CDH12: variants seen among roughly 807,000 people sequenced by gnomAD.
The protein encoded by CDH12 is cadherin-12.
CDH12 carries 41 observed loss-of-function variants against 74.1 expected under a neutral mutation model. The ratio of observed to expected loss-of-function variants is 0.55; its 90% CI spans 0.43 to 0.72. The LOEUF (loss-of-function observed/expected upper bound fraction) is 0.72, where lower values mean the gene tolerates loss of function less well. Ranked by LOEUF, CDH12 falls within the 30% of genes least tolerant of loss-of-function variation. The pLI is 0.00. For synonymous variants in CDH12, 399 were observed against 355.0 expected, an observed-to-expected ratio of 1.12 and a Z score of -1.39; for missense variants, 945 against 977.2, an observed-to-expected ratio of 0.97 and a Z score of 0.44.
Position 21,782,558 on chromosome 5 carries a change from AAAG to A in CDH12, c.1393+797_1393+799del, listed in dbSNP as rs1475092521. On this transcript the variant is annotated intron_variant, in intron 11 of 14. Transcript: ENST00000382254. ...AAATTTGCACCAGATGCACAAAATA[AAAG>A]AAGAAGGAAGCAAATGGAAGAGATT... Among the ~76,000 whole-genome samples, 5 of 152,296 alleles carry A rather than the reference AAAG, an allele frequency of 3.3e-5. No homozygotes were observed. In the East Asian group the frequency reaches 7.7e-4, roughly 24 times the overall value.
intron 1 of CDH12, among the ~76,000 whole-genome samples, chr5:22,766,702 A>ATT (rs1430459659): frequency 6.6e-6 from 1 of 152,078 alleles, no homozygotes; most frequent in Admixed American, 6.6e-5. Flanking sequence ...AAAAGATTGC[A>ATT]TTTGTACCGA....
chr5:22,343,323 C>CAGAG (rs377016972), intron 3 of CDH12, among the ~76,000 whole-genome samples: 3,966 of 136,308 alleles, frequency 0.029, 81 homozygotes, highest in Middle Eastern at 0.055. Flanking sequence ...GACACACACA[C>CAGAG]AGAGAGAGAG....
chr5:21,851,620 G>A (rs1486681417), intron 7 of CDH12, among the ~76,000 whole-genome samples: 5 of 151,148 alleles, frequency 3.3e-5, no homozygotes, highest in African/African-American at 1.2e-4. Context: ...ATAAATGAAT[G>A]CATCTGGATT....
intron 2 of CDH12, among the ~76,000 whole-genome samples, chr5:22,444,542 T>A (rs1163826794): frequency 2.6e-5 from 4 of 151,300 alleles, no homozygotes; most frequent in African/African-American, 9.7e-5. Context: ...TTTAACAGTT[T>A]TTTTTTTTTT....
intron 4 of CDH12, among the ~76,000 whole-genome samples, chr5:22,193,715 ATTG>A (rs1227958722): frequency 6.6e-6 from 1 of 151,144 alleles, no homozygotes; most frequent in Non-Finnish European, 1.5e-5. Context: ...TGTTTGCACA[ATTG>A]TTGATGTAGT....
intron 7 of CDH12, among the ~76,000 whole-genome samples, chr5:21,853,083 T>A (rs1388540855): frequency 2.0e-5 from 3 of 151,588 alleles, no homozygotes; most frequent in African/African-American, 7.3e-5. Context: ...TCTCTTTTTA[T>A]TTTCAATTTA....
intron 1 of CDH12, among the ~76,000 whole-genome samples, chr5:22,816,582 A>C (rs900764264): frequency 2.6e-5 from 4 of 152,156 alleles, no homozygotes; most frequent in Non-Finnish European, 5.9e-5. Context: ...ATTGAGTAAA[A>C]CCATTTACTT....
chr5:22,157,515 A>G (rs543256964), intron 4 of CDH12, among the ~76,000 whole-genome samples: 1 of 152,142 alleles, frequency 6.6e-6, no homozygotes, highest in East Asian at 1.9e-4. Context: ...TGATCTCAAG[A>G]TGGATATCCA....
At chr5:21,892,717 G>C (rs1410585017) in intron 6 of CDH12, among the ~76,000 whole-genome samples, 1 of 151,918 alleles carries the variant, frequency 6.6e-6, no homozygotes, top group Non-Finnish European at 1.5e-5. Flanking sequence ...TTTAAAAAAT[G>C]GTTCACAAGG....
intron 5 of CDH12, among the ~76,000 whole-genome samples, chr5:22,057,419 C>G (rs1324438783): frequency 6.6e-6 from 1 of 151,680 alleles, no homozygotes; most frequent in African/African-American, 2.4e-5. Flanking sequence ...AGCAGCGAAG[C>G]AAATTAAAGG....
intron 3 of CDH12, among the ~76,000 whole-genome samples, chr5:22,362,867 T>C (rs570416054): frequency 7.3e-6 from 1 of 136,404 alleles, no homozygotes; most frequent in East Asian, 2.2e-4. Context: ...CACTCATAGG[T>C]GGGAACTGAA....
intron 3 of CDH12, among the ~76,000 whole-genome samples, chr5:22,394,871 G>C (rs1742393483): frequency 1.3e-5 from 2 of 152,086 alleles, no homozygotes; most frequent in Admixed American, 1.3e-4. Context: ...ATGATATATA[G>C]AGGAGATTAT....
intron 5 of CDH12, among the ~76,000 whole-genome samples, chr5:21,990,187 A>G (rs1228712687): frequency 1.3e-5 from 2 of 152,192 alleles, no homozygotes; most frequent in Non-Finnish European, 2.9e-5. Context: ...AACACAGATC[A>G]CATGGTCCAT....
At chr5:22,108,423 T>C (rs2150257596) in intron 4 of CDH12, among the ~76,000 whole-genome samples, 1 of 152,342 alleles carries the variant, frequency 6.6e-6, no homozygotes. Flanking sequence ...ATCAAAAAGA[T>C]AATATTTTTA....
At chr5:22,637,550 T>C (rs1738905052) in intron 1 of CDH12, among the ~76,000 whole-genome samples, 1 of 152,212 alleles carries the variant, frequency 6.6e-6, no homozygotes, top group Non-Finnish European at 1.5e-5. Context: ...AGGCAGGGAA[T>C]AAAATACAGT....
At chr5:22,261,319 A>G (rs1753503425) in intron 3 of CDH12, among the ~76,000 whole-genome samples, 1 of 151,986 alleles carries the variant, frequency 6.6e-6, no homozygotes, top group South Asian at 2.1e-4. Context: ...TTTATTATTC[A>G]TTGATTTATT....
intron 4 of CDH12, among the ~76,000 whole-genome samples, chr5:22,103,511 A>T (rs1744265109): frequency 6.6e-6 from 1 of 152,198 alleles, no homozygotes; most frequent in African/African-American, 2.4e-5. Flanking sequence ...ACAGGTGCTG[A>T]GCTCCTTTAA....
chr5:22,624,121 G>C (rs541880436), intron 1 of CDH12, among the ~76,000 whole-genome samples: 1 of 152,266 alleles, frequency 6.6e-6, no homozygotes, highest in Admixed American at 6.5e-5. Flanking sequence ...TATGTAGAAA[G>C]CTGAAACTGG....
rs550791310 is a variant in CDH12 at position 22,508,244 on chromosome 5, A to T, written c.-522-2880T>A. On this transcript the variant is annotated intron_variant, in intron 1 of 14. Coordinates refer to ENST00000382254, the MANE Select transcript of CDH12 (RefSeq NM_004061.5). ...GCTCTGAATTTTTTATCTTGCCCAA[A>T]TTCCTATCTAAGGGGTCTGGAGAGT... is the stretch of plus-strand genomic sequence containing the variant. Among the ~76,000 whole-genome samples the T allele has an allele frequency of 8.5e-4, 130 of 152,268 alleles. 1 individual carries two copies. The highest frequency in any genetic ancestry group is 3.0e-3 in the African/African-American group (125 of 41,568).
Sources: allele counts gnomAD v4.1 joint callset (sites outside exome capture counted in the v4.1 genomes callset), GRCh38; gene constraint gnomAD v4.1.1; transcripts MANE v1.5; gene names NCBI Gene and HGNC (gene_info 2026-07-23, HGNC 2026-07-21).